The following ARMC9 variants were observed in gnomAD, a reference collection of about 807,000 sequenced individuals.
ARMC9 encodes armadillo repeat containing 9.
ARMC9 carries 94 observed loss-of-function variants against 107.0 expected under a neutral mutation model. That is an observed-to-expected ratio of 0.88 (90% CI 0.74 to 1.04). The LOEUF is 1.04. Among genes scored for constraint, ARMC9 ranks in the 50% least tolerant of loss-of-function variants. ARMC9 has a pLI of 0.00. For synonymous variants in ARMC9, 380 were observed against 396.9 expected (o/e 0.96, Z 0.51); for missense variants, 942 against 1,030.1 (o/e 0.91, Z 1.17).
rs539301641 is a variant in ARMC9 at position 231,282,005 on chromosome 2, G to C, written c.1552-54G>C. On this transcript the variant is annotated intron_variant, in intron 16 of 24. Coordinates refer to ENST00000611582, the MANE Select transcript of ARMC9 (RefSeq NM_001352754.2). ...TCTGAGGTGTGGTGTTTGATATAGA[G>C]TTGTGCAGTATTTGAAAACTTGCAA... 87 of 1,530,556 alleles carry C rather than the reference G, an allele frequency of 5.7e-5. 1 individual carries two copies. In the South Asian group the frequency reaches 8.8e-4, roughly 16 times the overall value. The allele number at this position is 1,530,556 out of a possible 1,614,324, so 94.8% of individuals were successfully genotyped here.
chr2:231,323,350 C>G (rs913892877), intron 19 of ARMC9, among the ~76,000 whole-genome samples: 26 of 152,308 alleles, frequency 1.7e-4, no homozygotes, highest in African/African-American at 6.0e-4. Context: ...ATCTGCCTGG[C>G]ACTGATTGAG....
intron 19 of ARMC9, among the ~76,000 whole-genome samples, chr2:231,329,513 T>G (rs2043575466): frequency 1.3e-5 from 2 of 152,022 alleles, no homozygotes; most frequent in African/African-American, 4.8e-5. Flanking sequence ...TTCACCATGT[T>G]GGTCAGGCTG....
At chr2:231,263,924 T>C (rs1574857722) in intron 12 of ARMC9, among the ~76,000 whole-genome samples, 3 of 152,230 alleles carry the variant, frequency 2.0e-5, no homozygotes, top group African/African-American at 7.2e-5. Flanking sequence ...CATTATTTCA[T>C]TGAGTCGAAG....
At chr2:231,305,644 C>T (rs2041995745) in intron 19 of ARMC9, among the ~76,000 whole-genome samples, 1 of 152,168 alleles carries the variant, frequency 6.6e-6, no homozygotes, top group Non-Finnish European at 1.5e-5. Flanking sequence ...CTGTACAAGG[C>T]TATCGTGTGT....
chr2:231,371,822 G>A lies in ARMC9; in HGVS notation c.*287G>A, dbSNP rs1211558758. 1 of 357,100 alleles carries A rather than the reference G, an allele frequency of 2.8e-6. No individual in the cohort carries two copies. Among genetic ancestry groups the A allele is most frequent in the Non-Finnish European group, 5.0e-6 (1 of 200,046 alleles). 22.1% of individuals were successfully genotyped at this position (357,100 alleles called of 1,614,324 possible). ...CACCCTTCACACACAGAGGAGAGGG[G>A]TGGCTTTTGCCCGCAGGAGATCTTC... On this transcript the variant is annotated 3_prime_UTR_variant, in exon 25 of 25. Coordinates refer to ENST00000611582, the MANE Select transcript of ARMC9 (RefSeq NM_001352754.2).
chr2:231,228,497 G>A (rs182593631), intron 7 of ARMC9, among the ~76,000 whole-genome samples: 1 of 152,334 alleles, frequency 6.6e-6, no homozygotes, highest in Non-Finnish European at 1.5e-5. Context: ...GCTTCCTCCA[G>A]GCATGTTGCC....
At chr2:231,312,597 A>G (rs1024944235) in intron 19 of ARMC9, among the ~76,000 whole-genome samples, 4 of 145,622 alleles carry the variant, frequency 2.7e-5, no homozygotes, top group African/African-American at 1.0e-4. Context: ...AGTTTCACAC[A>G]CTTTTTTTTT....
At chr2:231,250,306 G>A (rs1043913263) in intron 9 of ARMC9, among the ~76,000 whole-genome samples, 2 of 152,164 alleles carry the variant, frequency 1.3e-5, no homozygotes, top group African/African-American at 4.8e-5. Context: ...TTGTTGTAGG[G>A]CTGTCTGTTG....
In ARMC9 at chr2:231,235,355, C is replaced by T. The variant is rs776311683; in HGVS notation, c.754C>T (p.Leu252=). 8 of 1,614,164 alleles carry T rather than the reference C, an allele frequency of 5.0e-6. No individual in the cohort carries two copies. The highest frequency in any genetic ancestry group is 4.2e-6 in the Non-Finnish European group (5 of 1,180,024). ...IGVTAELVDS[L]EATVSGKMIT... ...AGTCACAGCAGAGCTGGTGGATTCT[C>T]TAGAGGCCACAGTCAGCGGCAAGAT... The change falls in exon 8 of 25, where the codon CTA becomes TTA. Residue 252 remains leucine (L), a synonymous_variant. Coordinates refer to ENST00000611582, the MANE Select transcript of ARMC9 (RefSeq NM_001352754.2).
intron 7 of ARMC9, among the ~76,000 whole-genome samples, chr2:231,229,259 G>A (rs916371216): frequency 1.3e-5 from 2 of 152,162 alleles, no homozygotes; most frequent in Non-Finnish European, 2.9e-5. Flanking sequence ...AGCTAAGGCT[G>A]TAATAACCAA....
intron 19 of ARMC9, among the ~76,000 whole-genome samples, chr2:231,306,588 G>A (rs916045274): frequency 2.0e-5 from 3 of 152,158 alleles, no homozygotes; most frequent in Non-Finnish European, 4.4e-5. Flanking sequence ...ATCCAACAAA[G>A]TGCAATCAGA....
In ARMC9 at chr2:231,308,572, C is replaced by T. The variant is rs148832009; in HGVS notation, c.1773+12319C>T. Among the ~76,000 whole-genome samples, 1,066 of 152,164 alleles carry T rather than the reference C, an allele frequency of 7.0e-3. 6 individuals are homozygous for T. Among genetic ancestry groups the T allele is most frequent in the East Asian group, 0.037 (193 of 5,180 alleles). On this transcript the variant is annotated intron_variant, in intron 19 of 24. Coordinates refer to ENST00000611582, the MANE Select transcript of ARMC9 (RefSeq NM_001352754.2). ...GAGGATAGCGATGCCATTAACAATA[C>T]GGGGAACACAGGCTGGGGGTAAGAG...
intron 19 of ARMC9, among the ~76,000 whole-genome samples, chr2:231,309,245 G>A (rs772962368): frequency 7.9e-5 from 12 of 152,120 alleles, no homozygotes; most frequent in Non-Finnish European, 1.8e-4. Context: ...TCAAAACAAG[G>A]TGAGGGCTTG....
intron 23 of ARMC9, among the ~76,000 whole-genome samples, chr2:231,367,954 T>A (rs1245888443): frequency 6.7e-6 from 1 of 148,616 alleles, no homozygotes; most frequent in African/African-American, 2.5e-5. Context: ...CACTACAGCC[T>A]GGGCAACGAG....
At chr2:231,230,918 A>C (rs968569613) in intron 7 of ARMC9, among the ~76,000 whole-genome samples, 1 of 152,196 alleles carries the variant, frequency 6.6e-6, no homozygotes, top group Non-Finnish European at 1.5e-5. Context: ...ATGGATATGG[A>C]GTGCTGACTG....
chr2:231,237,871 G>A (rs1255356336), intron 8 of ARMC9, among the ~76,000 whole-genome samples: 4 of 132,976 alleles, frequency 3.0e-5, no homozygotes, highest in African/African-American at 5.6e-5. Flanking sequence ...AAAGTGACAT[G>A]ATCAGATTGG....
At chr2:231,226,919 T>G in intron 7 of ARMC9, 121 bp downstream of exon 7, 3 of 1,195,826 alleles carry the variant, frequency 2.5e-6, no homozygotes, top group Non-Finnish European at 3.6e-6. Flanking sequence ...TAAATATTTA[T>G]GAAAGGCTTT....
chr2:231,234,836 C>T (rs1160901852), intron 7 of ARMC9, among the ~76,000 whole-genome samples: 1 of 152,226 alleles, frequency 6.6e-6, no homozygotes, highest in African/African-American at 2.4e-5. Flanking sequence ...CAACTCCTGG[C>T]CTCAAGTGAT....
rs961826971 is a variant in ARMC9, at chr2:231,205,786, A to G, written c.-41-412A>G. Reference sequence around the variant, plus strand: ...GCAGTGCTGGATCATTTCTGGATGCAGTGGGAGGATCTATTCCTTGCCTTA... The same window carrying G: ...GCAGTGCTGGATCATTTCTGGATGCGGTGGGAGGATCTATTCCTTGCCTTA... On this transcript the variant is annotated intron_variant, in intron 1 of 24. Coordinates refer to ENST00000611582, the MANE Select transcript of ARMC9 (RefSeq NM_001352754.2). Among the ~76,000 whole-genome samples the G allele has an allele frequency of 1.2e-4, 18 of 152,226 alleles. 1 individual carries two copies. The highest frequency in any genetic ancestry group is 3.9e-4 in the African/African-American group (16 of 41,454).
Sources: gnomAD v4.1 joint callset for allele counts (sites outside exome capture counted in the v4.1 genomes callset) on GRCh38, gnomAD v4.1.1 for gene constraint, MANE v1.5 for transcripts, NCBI Gene and HGNC (gene_info 2026-07-23, HGNC 2026-07-21) for gene names.